Variants in TOX observed in about 807,000 individuals in gnomAD.
TOX encodes thymocyte selection-associated high mobility group box protein TOX.
Under a neutral mutation model 53.7 loss-of-function variants are expected in TOX, and 11 were observed. The observed-to-expected ratio is 0.20, with a 90% confidence interval of 0.13 to 0.34. TOX has a LOEUF of 0.34. Ranked by LOEUF, TOX falls within the 10% of genes least tolerant of loss-of-function variation. TOX has a pLI of 1.00. For synonymous variants in TOX, 225 were observed against 245.3 expected, an observed-to-expected ratio of 0.92 and a Z score of 0.77; for missense variants, 570 against 664.6, an observed-to-expected ratio of 0.86 and a Z score of 1.56.
At chr8:59,071,109 T>C (rs1303582139) in intron 1 of TOX, among the ~76,000 whole-genome samples, 3 of 152,130 alleles carry the variant, frequency 2.0e-5, no homozygotes, top group Non-Finnish European at 4.4e-5. Context: ...ACAATAATCG[T>C]GAAAAGCTCG....
At chr8:58,952,798 C>A (rs2129177771) in intron 2 of TOX, among the ~76,000 whole-genome samples, 1 of 152,228 alleles carries the variant, frequency 6.6e-6, no homozygotes, top group South Asian at 2.1e-4. Flanking sequence ...TCACACCTAC[C>A]CAGAAACAAA....
chr8:58,897,613 T>C (rs1811673564), intron 3 of TOX, among the ~76,000 whole-genome samples: 1 of 152,194 alleles, frequency 6.6e-6, no homozygotes, highest in Admixed American at 6.5e-5. Context: ...GGAATATTCA[T>C]GAGGCTATAG....
chr8:59,116,216 T>G (rs1805096358), intron 1 of TOX, among the ~76,000 whole-genome samples: 1 of 152,182 alleles, frequency 6.6e-6, no homozygotes, highest in Non-Finnish European at 1.5e-5. Context: ...AATTAGTAAT[T>G]TATGATCTTA....
chr8:59,081,389 C>T (rs1430053422), intron 1 of TOX, among the ~76,000 whole-genome samples: 2 of 152,068 alleles, frequency 1.3e-5, no homozygotes, highest in African/African-American at 4.8e-5. Flanking sequence ...CAAGTTAATT[C>T]GGGATTGCAG....
intron 1 of TOX, among the ~76,000 whole-genome samples, chr8:59,040,186 G>C (rs929362176): frequency 7.9e-5 from 12 of 151,922 alleles, no homozygotes; most frequent in African/African-American, 2.9e-4. Context: ...AAAATTAGCC[G>C]GGCGTAGTGG....
intron 2 of TOX, among the ~76,000 whole-genome samples, chr8:58,941,544 A>T (rs1812439968): frequency 6.6e-6 from 1 of 152,200 alleles, no homozygotes; most frequent in Admixed American, 6.5e-5. Flanking sequence ...AGGTTGAATG[A>T]TACAAAATTG....
rs1274737829 is a variant in TOX at position 58,807,037 on chromosome 8, G to T, written c.*710C>A. 6.6e-6 allele frequency: 1 copy of T among 152,550 alleles called. No homozygotes were observed. The highest frequency in any genetic ancestry group is 1.9e-4 in the East Asian group (1 of 5,204). The allele number at this position is 152,550 out of a possible 1,614,324, so 9.4% of individuals were successfully genotyped here. A position where few individuals can be genotyped will look rare whatever the true frequency, so the allele number is the denominator to read the frequency against. ...AGTGATACAAAAAAGCAATTTTTCT[G>T]CAGTACAAAATAAATGTGTTTGCGC... On this transcript the variant is annotated 3_prime_UTR_variant, in exon 9 of 9. Transcript: ENST00000361421.
chr8:59,015,406 C>G (rs1813988893), intron 1 of TOX, among the ~76,000 whole-genome samples: 1 of 152,246 alleles, frequency 6.6e-6, no homozygotes, highest in African/African-American at 2.4e-5. Context: ...TTCCCCTCCC[C>G]CAACATGCAA....
At chr8:59,088,341 G>A (rs1341892972) in intron 1 of TOX, among the ~76,000 whole-genome samples, 1 of 152,200 alleles carries the variant, frequency 6.6e-6, no homozygotes, top group Non-Finnish European at 1.5e-5. Context: ...AGGTAACAAT[G>A]TGAAGGGAAA....
At chr8:58,978,262 A>T (rs974508356) in intron 1 of TOX, among the ~76,000 whole-genome samples, 1 of 152,214 alleles carries the variant, frequency 6.6e-6, no homozygotes, top group African/African-American at 2.4e-5. Flanking sequence ...AATAACCTTG[A>T]GAAACGGGAG....
rs116182918 is a variant in TOX, at chr8:58,819,051, T to G, written c.1006-3327A>C. Among the ~76,000 whole-genome samples, 564 of 152,342 alleles carry G rather than the reference T, an allele frequency of 3.7e-3. 5 individuals carry two copies. The highest frequency in any genetic ancestry group is 0.013 in the African/African-American group (538 of 41,576). The stretch of plus-strand genomic sequence containing the variant: ...TATTAATTACAGAGTTATTTTATTG[T>G]TCTGGAAGATAGGTAGAATAAGTTC... On this transcript the variant is annotated intron_variant, in intron 6 of 8. Coordinates refer to ENST00000361421, the MANE Select transcript of TOX (RefSeq NM_014729.3).
intron 1 of TOX, among the ~76,000 whole-genome samples, chr8:58,987,548 G>A (rs1156620228): frequency 6.6e-6 from 1 of 152,178 alleles, no homozygotes; most frequent in African/African-American, 2.4e-5. Context: ...TAAAATAAAT[G>A]GAAGTACTAA....
At chr8:58,878,274 A>G (rs537742475) in intron 3 of TOX, among the ~76,000 whole-genome samples, 1 of 152,190 alleles carries the variant, frequency 6.6e-6, no homozygotes, top group Non-Finnish European at 1.5e-5. Flanking sequence ...ACATCAAAAG[A>G]ACAGGGAGTA....
intron 3 of TOX, among the ~76,000 whole-genome samples, chr8:58,887,128 A>G (rs1811481897): frequency 6.6e-6 from 1 of 151,942 alleles, no homozygotes; most frequent in African/African-American, 2.4e-5. Flanking sequence ...AAATCAACAC[A>G]TTTTCTAATA....
In TOX at chr8:58,922,380, C is replaced by T. The variant is rs144696417; in HGVS notation, c.411+16922G>A. On this transcript the variant is annotated intron_variant, in intron 3 of 8. Transcript: ENST00000361421. ...GCGTGTATATATTGAAATGTGCATG[C>T]GTGTGTATACACACATATGCATACC... 8.2e-3 allele frequency among the ~76,000 whole-genome samples: 1,251 copies of T among 152,256 alleles called. 53 individuals are homozygous for T. Among genetic ancestry groups the T allele is most frequent in the Admixed American group, 0.064 (977 of 15,284 alleles).
At chr8:58,966,655 T>C (rs1812906350) in intron 1 of TOX, among the ~76,000 whole-genome samples, 1 of 152,156 alleles carries the variant, frequency 6.6e-6, no homozygotes, top group Non-Finnish European at 1.5e-5. Flanking sequence ...GAATATTAGA[T>C]ATTCTTTTTG....
intron 1 of TOX, among the ~76,000 whole-genome samples, chr8:58,976,579 G>T (rs1813104804): frequency 6.6e-6 from 1 of 152,198 alleles, no homozygotes; most frequent in African/African-American, 2.4e-5. Context: ...ATGGCAACTA[G>T]AATGGTAAAA....
chr8:58,818,711 G>T lies in TOX; in HGVS notation c.1006-2987C>A, dbSNP rs369310602. On this transcript the variant is annotated intron_variant, in intron 6 of 8. Transcript: ENST00000361421. Reference sequence around the variant, plus strand: ...GTTCCTCTTCCCATGGAGTGAGGAAGGATCTGAAGGCTTGGAAAAGCCACA... The same window carrying T: ...GTTCCTCTTCCCATGGAGTGAGGAATGATCTGAAGGCTTGGAAAAGCCACA... Among the ~76,000 whole-genome samples the T allele has an allele frequency of 7.6e-4, 115 of 152,302 alleles. 1 individual carries two copies. The highest frequency in any genetic ancestry group is 2.6e-3 in the African/African-American group (110 of 41,566).
intron 1 of TOX, among the ~76,000 whole-genome samples, chr8:59,057,783 T>G (rs1232770360): frequency 6.6e-6 from 1 of 152,214 alleles, no homozygotes; most frequent in East Asian, 1.9e-4. Flanking sequence ...CCTTTAATAA[T>G]CAGCTGTTTT....
Sources: gnomAD v4.1 joint callset for allele counts (sites outside exome capture counted in the v4.1 genomes callset) on GRCh38, gnomAD v4.1.1 for gene constraint, MANE v1.5 for transcripts, NCBI Gene and HGNC (gene_info 2026-07-23, HGNC 2026-07-21) for gene names.